The following RTN4 variants were observed in gnomAD, a reference collection of about 807,000 sequenced individuals.
RTN4 encodes the protein reticulon-4.
In RTN4, 32 loss-of-function variants were observed where a neutral mutation model predicts 90.4. That is an observed-to-expected ratio of 0.35 (90% CI 0.27 to 0.48). RTN4 has a LOEUF of 0.48. Among genes scored for constraint, RTN4 ranks in the 20% least tolerant of loss-of-function variants. The pLI is 0.99. For synonymous variants in RTN4, 629 were observed against 552.5 expected (o/e 1.14, Z -1.94); for missense variants, 1,706 against 1,430.2 (o/e 1.19, Z -3.11).
the RTN4 span, among the ~76,000 whole-genome samples, chr2:55,123,618 T>C: frequency 6.6e-6 from 1 of 152,066 alleles, no homozygotes; most frequent in African/African-American, 2.4e-5. Context: ...AAAAATCTTA[T>C]GATCAAGATA....
At chr2:55,133,122 A>C in the RTN4 span, among the ~76,000 whole-genome samples, 24 of 152,138 alleles carry the variant, frequency 1.6e-4, no homozygotes, top group Non-Finnish European at 3.2e-4. Flanking sequence ...GAAGCAGGAG[A>C]ATCACTTGAA....
At chr2:54,995,793 G>T (rs1679377769) in intron 3 of RTN4, among the ~76,000 whole-genome samples, 1 of 152,104 alleles carries the variant, frequency 6.6e-6, no homozygotes, top group African/African-American at 2.4e-5. Context: ...AATGTGGGAA[G>T]AAACCACAGA....
chr2:55,025,472 C>A lies in RTN4; in HGVS notation c.2627G>T (p.Ser876Ile). The A allele has an allele frequency of 6.2e-7, 1 of 1,613,784 alleles. No homozygotes were observed. Among genetic ancestry groups the A allele is most frequent in the Non-Finnish European group, 8.5e-7 (1 of 1,179,830 alleles). The change falls in exon 3 of 9, where the codon AGT (serine) becomes ATT (isoleucine). Residue 876 changes from serine to isoleucine, a missense_variant. Transcript: ENST00000337526. ...EIIDEFPTLI[S>I]SKTDSFSKLA... ...TTTAGAAAATGAATCAGTTTTAGAA[C>A]TGATCAATGTAGGGAACTCATCTAT...
intron 2 of RTN4, among the ~76,000 whole-genome samples, chr2:55,059,810 G>C (rs1668257152): frequency 6.6e-6 from 1 of 151,882 alleles, no homozygotes; most frequent in Admixed American, 6.6e-5. Flanking sequence ...TTCCAGCCTG[G>C]GCAACGGAGT....
At chr2:55,077,841 G>C (rs1187123712) in intron 2 of RTN4, among the ~76,000 whole-genome samples, 3 of 150,522 alleles carry the variant, frequency 2.0e-5, no homozygotes, top group Admixed American at 6.6e-5. Flanking sequence ...TGAAATAATG[G>C]CATTTGCAGG....
intron 2 of RTN4, among the ~76,000 whole-genome samples, chr2:55,070,649 TG>T: frequency 6.7e-6 from 1 of 150,060 alleles, no homozygotes; most frequent in East Asian, 2.0e-4. Context: ...AGATTAGGGG[TG>T]GGGAGCAAAA....
At chr2:55,131,911 A>G in the RTN4 span, among the ~76,000 whole-genome samples, 1 of 152,110 alleles carries the variant, frequency 6.6e-6, no homozygotes, top group Non-Finnish European at 1.5e-5. Flanking sequence ...TGAAAACATT[A>G]TTACATATTT....
At position 55,085,330 on chromosome 2, in the gene RTN4, T is replaced by C. The variant is rs76642747; in HGVS notation, c.-213-4691A>G. Among the ~76,000 whole-genome samples, 1,260 of 135,880 alleles carry C rather than the reference T, an allele frequency of 9.3e-3. 14 individuals carry two copies. The highest frequency in any genetic ancestry group is 0.03 in the African/African-American group (1,216 of 40,106). The allele number at this position is 135,880 out of a possible 152,430, so 89.1% of individuals were successfully genotyped here. On this transcript the variant is annotated intron_variant, in intron 1 of 3. Transcript: ENST00000427710. ...ACATATACACCCACACACACACACA[T>C]AGAAGGAGAGAGAGGTAGATAAATC...
intron 3 of RTN4, among the ~76,000 whole-genome samples, chr2:55,015,133 C>T (rs551429759): frequency 6.6e-6 from 1 of 152,184 alleles, no homozygotes; most frequent in Admixed American, 6.6e-5. Flanking sequence ...GATCTTCCAT[C>T]TGCAACACTA....
chr2:55,099,150 A>G (rs1667806116), intron 1 of RTN4, among the ~76,000 whole-genome samples: 1 of 152,126 alleles, frequency 6.6e-6, no homozygotes, highest in Non-Finnish European at 1.5e-5. Flanking sequence ...ACTTCACCTC[A>G]TGCACTATTT....
intron 1 of RTN4, among the ~76,000 whole-genome samples, chr2:55,086,417 T>C (rs956784234): frequency 6.6e-6 from 1 of 151,766 alleles, no homozygotes; most frequent in African/African-American, 2.4e-5. Context: ...TCCCAGAACG[T>C]TGGGAGGCCA....
the RTN4 span, among the ~76,000 whole-genome samples, chr2:55,135,229 A>T: frequency 9.9e-5 from 12 of 121,060 alleles, no homozygotes; most frequent in African/African-American, 3.8e-4. Flanking sequence ...TTTTTTTGAG[A>T]TGGAGTCTTG....
chr2:55,113,559 T>A (rs1385376889), upstream of RTN4, among the ~76,000 whole-genome samples: 1 of 152,174 alleles, frequency 6.6e-6, no homozygotes, highest in Non-Finnish European at 1.5e-5. Flanking sequence ...CAGTAGCCCT[T>A]GTTTCAATTG....
intron 1 of RTN4, among the ~76,000 whole-genome samples, chr2:55,099,549 G>C (rs545758603): frequency 6.6e-6 from 1 of 152,170 alleles, no homozygotes; most frequent in African/African-American, 2.4e-5. Context: ...TTTGACATGG[G>C]AAATGGTATT....
At chr2:54,998,973 T>C (rs1046148870) in intron 3 of RTN4, among the ~76,000 whole-genome samples, 1 of 152,182 alleles carries the variant, frequency 6.6e-6, no homozygotes, top group African/African-American at 2.4e-5. Context: ...TCAACCTTAC[T>C]CATACAAAAT....
the RTN4 span, among the ~76,000 whole-genome samples, chr2:55,137,049 A>G: frequency 1.3e-5 from 2 of 152,204 alleles, no homozygotes; most frequent in Admixed American, 6.5e-5. Context: ...GAAGCCAGGG[A>G]GAGATGCATA....
intron 1 of RTN4, among the ~76,000 whole-genome samples, chr2:55,087,802 G>A (rs1313465865): frequency 1.3e-5 from 2 of 152,104 alleles, no homozygotes; most frequent in East Asian, 1.9e-4. Context: ...TAAGCAGCCT[G>A]TGAGGGTGTC....
chr2:55,034,645 A>T (rs1682553321), intron 1 of RTN4, among the ~76,000 whole-genome samples: 1 of 152,262 alleles, frequency 6.6e-6, no homozygotes, highest in Non-Finnish European at 1.5e-5. Context: ...AGACTGAGAG[A>T]AAATGATATG....
chr2:55,078,383 C>A (rs985358901), intron 2 of RTN4, among the ~76,000 whole-genome samples: 1 of 152,136 alleles, frequency 6.6e-6, no homozygotes, highest in African/African-American at 2.4e-5. Context: ...GTTCTACAGA[C>A]ATGTGCCAAC....
Sources: gnomAD v4.1 joint callset for allele counts (sites outside exome capture counted in the v4.1 genomes callset) on GRCh38, gnomAD v4.1.1 for gene constraint, MANE v1.5 for transcripts, NCBI Gene and HGNC (gene_info 2026-07-23, HGNC 2026-07-21) for gene names.